Variants in PRKCH observed in about 807,000 individuals in gnomAD.
PRKCH encodes the protein protein kinase C eta.
PRKCH carries 28 observed loss-of-function variants against 82.5 expected under a neutral mutation model. The ratio of observed to expected loss-of-function variants is 0.34; its 90% CI spans 0.25 to 0.47. PRKCH has a LOEUF of 0.47. Ranked by LOEUF, PRKCH falls within the 20% of genes least tolerant of loss-of-function variation. The pLI, the probability that PRKCH is intolerant of heterozygous loss-of-function variation, is 1.00. For synonymous variants in PRKCH, 322 were observed against 327.4 expected (o/e 0.98, Z 0.18); for missense variants, 705 against 881.8 (o/e 0.80, Z 2.54).
intron 1 of PRKCH, among the ~76,000 whole-genome samples, chr14:61,253,812 A>G (rs2044970178): frequency 6.6e-6 from 1 of 152,152 alleles, no homozygotes. Flanking sequence ...TCCACTGCAA[A>G]GTGTTACTAG....
chr14:61,521,471 A>T (rs565170164), intron 10 of PRKCH, among the ~76,000 whole-genome samples: 10 of 152,180 alleles, frequency 6.6e-5, no homozygotes, highest in Non-Finnish European at 1.3e-4. Context: ...AGAGTATCAT[A>T]TCACATAGCA....
chr14:61,239,377 G>C (rs1256723570), intron 1 of PRKCH, among the ~76,000 whole-genome samples: 1 of 152,208 alleles, frequency 6.6e-6, no homozygotes, highest in East Asian at 1.9e-4. Context: ...GCGCCTGGGT[G>C]CAGGTGGGCT....
At chr14:61,275,076 T>C (rs1243487951) in intron 1 of PRKCH, among the ~76,000 whole-genome samples, 1 of 152,234 alleles carries the variant, frequency 6.6e-6, no homozygotes, top group Non-Finnish European at 1.5e-5. Context: ...TTTCCCATTT[T>C]GGATTCTTTA....
chr14:61,228,169 A>G lies in PRKCH; in HGVS notation c.-19+40501A>G, dbSNP rs147937035. Among the ~76,000 whole-genome samples the G allele has an allele frequency of 2.4e-4, 37 of 152,310 alleles. 1 individual carries two copies. The East Asian group carries it at 7.1e-3, about 29-fold the overall frequency. On this transcript the variant is annotated intron_variant, in intron 1 of 3. Coordinates refer to the PRKCH transcript ENST00000555185. ...AGGATCATGTCCACCCTGGGTCACT[A>G]TAGTAGCTTGGGTGAAAAGTAACTT... is the stretch of plus-strand genomic sequence containing the variant.
chr14:61,241,990 A>G (rs2044843394), intron 1 of PRKCH, among the ~76,000 whole-genome samples: 1 of 152,224 alleles, frequency 6.6e-6, no homozygotes, highest in Non-Finnish European at 1.5e-5. Flanking sequence ...TCCCCATTAC[A>G]AAAGAACTAA....
intron 10 of PRKCH, among the ~76,000 whole-genome samples, chr14:61,519,100 T>C (rs760669641): frequency 4.6e-5 from 7 of 152,074 alleles, no homozygotes; most frequent in Non-Finnish European, 1.0e-4. Context: ...CTGGGCAATA[T>C]AGCAATACCC....
chr14:61,288,676 T>C (rs530533147), intron 1 of PRKCH, among the ~76,000 whole-genome samples: 1 of 152,292 alleles, frequency 6.6e-6, no homozygotes, highest in Non-Finnish European at 1.5e-5. Context: ...AAGCCAAAGT[T>C]TGGGAATCTT....
At chr14:61,315,665 T>C (rs1282825256) in intron 1 of PRKCH, among the ~76,000 whole-genome samples, 1 of 152,196 alleles carries the variant, frequency 6.6e-6, no homozygotes, top group Non-Finnish European at 1.5e-5. Context: ...CGTGTTGCAT[T>C]GTTTTCTTTA....
chr14:61,312,927 A>C (rs1025395713), intron 1 of PRKCH, among the ~76,000 whole-genome samples: 2 of 152,230 alleles, frequency 1.3e-5, no homozygotes, highest in Non-Finnish European at 2.9e-5. Context: ...TGACCTCCTT[A>C]ACATTAAGAT....
chr14:61,281,446 T>G, intron 1 of PRKCH: 3 of 247,728 alleles, frequency 1.2e-5, no homozygotes, highest in Non-Finnish European at 1.7e-5. Context: ...GGGTGTTTTT[T>G]ACCTCACCTG....
chr14:61,529,029 T>A (rs548014479), intron 10 of PRKCH, 46 bp from the exon 11 acceptor site: 187 of 1,399,194 alleles, frequency 1.3e-4, no homozygotes, highest in Middle Eastern at 4.4e-4. Flanking sequence ...GGTGGATGGT[T>A]TGGGGTCTGG....
rs532528116 is a variant in PRKCH, at chr14:61,336,096, G to A, written c.363+13632G>A. On this transcript the variant is annotated intron_variant, in intron 1 of 13. Coordinates refer to ENST00000332981, the MANE Select transcript of PRKCH (RefSeq NM_006255.5). ...TACACAGGGCATGACATATACTACC[G>A]CAGAAAAATGATTGTTGATGTCACT... is the stretch of plus-strand genomic sequence containing the variant. 3.9e-5 allele frequency among the ~76,000 whole-genome samples: 6 copies of A among 152,278 alleles called. No homozygotes were observed. The South Asian group carries it at 8.3e-4, about 21-fold the overall frequency.
chr14:61,254,308 A>G (rs2044977298), intron 1 of PRKCH, among the ~76,000 whole-genome samples: 1 of 152,122 alleles, frequency 6.6e-6, no homozygotes, highest in Non-Finnish European at 1.5e-5. Flanking sequence ...AAGACAGAAA[A>G]AGTCGTGATA....
chr14:61,309,364 G>T (rs2045505042), intron 1 of PRKCH, among the ~76,000 whole-genome samples: 1 of 152,212 alleles, frequency 6.6e-6, no homozygotes. Context: ...TCTGTGGCAG[G>T]GGCCAAAGGA....
intron 1 of PRKCH, among the ~76,000 whole-genome samples, chr14:61,370,222 C>T (rs527241341): frequency 4.0e-4 from 61 of 152,238 alleles, no homozygotes; most frequent in African/African-American, 1.3e-3. Context: ...GGATTACAGG[C>T]GTGAGCCACC....
chr14:61,488,585 C>G (rs1303628430), intron 10 of PRKCH, among the ~76,000 whole-genome samples: 1 of 152,202 alleles, frequency 6.6e-6, no homozygotes, highest in African/African-American at 2.4e-5. Context: ...ATTACAGTGT[C>G]AGCTTCTTAG....
intron 1 of PRKCH, among the ~76,000 whole-genome samples, chr14:61,360,169 G>T (rs1017810766): frequency 6.6e-6 from 1 of 152,176 alleles, no homozygotes; most frequent in Non-Finnish European, 1.5e-5. Context: ...GGAATATGTC[G>T]TGAGTAAATG....
At chr14:61,203,586 T>G (rs970299734) in intron 1 of PRKCH, among the ~76,000 whole-genome samples, 1 of 152,094 alleles carries the variant, frequency 6.6e-6, no homozygotes, top group Non-Finnish European at 1.5e-5. Flanking sequence ...AAGGTTGGCA[T>G]TGGGGGCATC....
rs565420228 is a variant in PRKCH at position 61,348,699 on chromosome 14, T to G, written c.363+26235T>G. ...AAAAGCCACTATGGGTAGCCATTTG[T>G]TAATATCACCTTTATTAGGAGTCCT... On this transcript the variant is annotated intron_variant, in intron 1 of 13. Transcript: ENST00000332981. Among the ~76,000 whole-genome samples the G allele has an allele frequency of 2.0e-5, 3 of 152,368 alleles. No individual in the cohort carries two copies. The South Asian group carries it at 6.2e-4, about 32-fold the overall frequency.
Sources: allele counts gnomAD v4.1 joint callset (sites outside exome capture counted in the v4.1 genomes callset), GRCh38; gene constraint gnomAD v4.1.1; transcripts MANE v1.5; gene names NCBI Gene and HGNC (gene_info 2026-07-23, HGNC 2026-07-21).